Variants in TTC27 observed in about 807,000 individuals in gnomAD.
TTC27 encodes the protein tetratricopeptide repeat domain 27, also known as tetratricopeptide repeat protein 27.
TTC27 carries 79 observed loss-of-function variants against 115.9 expected under a neutral mutation model. The observed-to-expected ratio is 0.68, with a 90% confidence interval of 0.57 to 0.82. TTC27 has a LOEUF of 0.82. Among genes scored for constraint, TTC27 ranks in the 40% least tolerant of loss-of-function variants. The probability of loss-of-function intolerance (pLI) is 0.00; values close to 1 mark genes in which losing one functional copy is unlikely to be tolerated. For missense variants in TTC27, 1,054 were observed against 993.1 expected, an observed-to-expected ratio of 1.06 and a Z score of -0.82; for synonymous variants, 401 against 356.0, an observed-to-expected ratio of 1.13 and a Z score of -1.42.
chr2:32,675,347 C>T (rs906569252), intron 8 of TTC27, among the ~76,000 whole-genome samples: 5 of 152,148 alleles, frequency 3.3e-5, no homozygotes, highest in African/African-American at 1.2e-4. Context: ...AATGTATTCC[C>T]AGGCATTATG....
intron 13 of TTC27, among the ~76,000 whole-genome samples, chr2:32,774,883 A>G (rs2148010348): frequency 6.6e-6 from 1 of 152,332 alleles, no homozygotes; most frequent in Non-Finnish European, 1.5e-5. Flanking sequence ...TAACGATCCT[A>G]GGATTTTTCC....
chr2:32,719,467 G>A (rs556534301), intron 10 of TTC27, among the ~76,000 whole-genome samples: 6 of 152,284 alleles, frequency 3.9e-5, no homozygotes, highest in South Asian at 4.1e-4. Flanking sequence ...CTTTTATGGC[G>A]TTAGACCAGA....
At chr2:32,750,185 G>T (rs1668961049) in intron 12 of TTC27, among the ~76,000 whole-genome samples, 1 of 152,164 alleles carries the variant, frequency 6.6e-6, no homozygotes, top group Non-Finnish European at 1.5e-5. Flanking sequence ...TGAAGCAGGG[G>T]CTTGTGGAGG....
At chr2:32,723,570 A>C (rs1159617632) in intron 10 of TTC27, among the ~76,000 whole-genome samples, 1 of 152,060 alleles carries the variant, frequency 6.6e-6, no homozygotes, top group Non-Finnish European at 1.5e-5. Context: ...GGAACCTTTA[A>C]GGTGTTATTG....
intron 13 of TTC27, 111 bp from the exon 14 acceptor site, chr2:32,777,771 C>A: frequency 1.1e-6 from 1 of 926,460 alleles, no homozygotes; most frequent in Non-Finnish European, 1.7e-6. Context: ...TATTATATAG[C>A]TCTGCATTCT....
intron 12 of TTC27, among the ~76,000 whole-genome samples, chr2:32,742,742 T>G (rs1668687446): frequency 6.6e-6 from 1 of 152,224 alleles, no homozygotes; most frequent in African/African-American, 2.4e-5. Flanking sequence ...ATTGAGGACG[T>G]AGAGCACCTT....
At chr2:32,766,534 T>A (rs1558333042) in intron 13 of TTC27, 1 of 423,694 alleles carries the variant, frequency 2.4e-6, no homozygotes, top group Admixed American at 2.6e-5. Context: ...AGTCAGAACA[T>A]ACACAGCATT....
At chr2:32,708,301 C>CTTGTTTTTTTTTTTTGTTTTTTTTTTG (rs1559215859) in intron 10 of TTC27, among the ~76,000 whole-genome samples, 1 of 80,260 alleles carries the variant, frequency 1.2e-5, no homozygotes, top group Non-Finnish European at 2.5e-5. Context: ...TTTTCTCTAC[C>CTTGTTTTTTTTTTTTGTTTTTTTTTTG]TTGTTTTTTT....
chr2:32,813,475 C>G (rs1370834698), intron 18 of TTC27, among the ~76,000 whole-genome samples: 1 of 152,190 alleles, frequency 6.6e-6, no homozygotes, highest in African/African-American at 2.4e-5. Flanking sequence ...AATTTAACTT[C>G]TCTGAGCCTT....
chr2:32,791,918 A>C (rs1301352330), intron 16 of TTC27, among the ~76,000 whole-genome samples: 1 of 152,196 alleles, frequency 6.6e-6, no homozygotes, highest in East Asian at 1.9e-4. Context: ...AATAATTTGC[A>C]GATAATTTTA....
intron 17 of TTC27, among the ~76,000 whole-genome samples, chr2:32,812,058 A>T (rs1455469949): frequency 6.6e-6 from 1 of 152,206 alleles, no homozygotes; most frequent in Non-Finnish European, 1.5e-5. Flanking sequence ...TGGAATTAAG[A>T]GTACCCAGAA....
At chr2:32,635,316 A>G (rs1250078961) in intron 3 of TTC27, 6 of 153,792 alleles carry the variant, frequency 3.9e-5, no homozygotes, top group African/African-American at 7.2e-5. Context: ...ATTGATAGCT[A>G]TGTTCAAAAT....
chr2:32,653,581 G>A (rs2151871906), intron 5 of TTC27, among the ~76,000 whole-genome samples: 2 of 144,844 alleles, frequency 1.4e-5, no homozygotes, highest in Admixed American at 1.4e-4. Context: ...ATGACAGAGT[G>A]AGACTCCATC....
chr2:32,734,016 T>A, intron 11 of TTC27, 93 bp downstream of exon 11: 2 of 835,888 alleles, frequency 2.4e-6, no homozygotes, highest in South Asian at 2.2e-5. Flanking sequence ...ATGTTTGAAT[T>A]TTCAAATATT....
intron 4 of TTC27, among the ~76,000 whole-genome samples, chr2:32,647,682 G>A (rs1158800084): frequency 6.6e-6 from 1 of 152,118 alleles, no homozygotes; most frequent in African/African-American, 2.4e-5. Context: ...AAGCAAAAAA[G>A]TTCTTTGGAG....
intron 5 of TTC27, among the ~76,000 whole-genome samples, chr2:32,651,497 C>A (rs1240647364): frequency 6.6e-6 from 1 of 152,156 alleles, no homozygotes; most frequent in African/African-American, 2.4e-5. Context: ...CAGGCATGTG[C>A]CACCACGCCT....
intron 13 of TTC27, among the ~76,000 whole-genome samples, chr2:32,771,637 A>C (rs183326266): frequency 2.0e-5 from 3 of 152,370 alleles, no homozygotes; most frequent in Admixed American, 2.0e-4. Flanking sequence ...CTGGTAGGTT[A>C]AGATTTATAT....
At chr2:32,649,302 A>G (rs1390636661) in intron 4 of TTC27, among the ~76,000 whole-genome samples, 6 of 152,104 alleles carry the variant, frequency 3.9e-5, no homozygotes, top group Admixed American at 3.9e-4. Context: ...TTTGAGGAGG[A>G]TATAGAGATG....
chr2:32,658,818 A>T (rs770518399), intron 5 of TTC27, among the ~76,000 whole-genome samples: 1 of 152,134 alleles, frequency 6.6e-6, no homozygotes. Flanking sequence ...TTTATTTCAG[A>T]TGCTGTTTTA....
Sources: gnomAD v4.1 joint callset for allele counts (sites outside exome capture counted in the v4.1 genomes callset) on GRCh38, gnomAD v4.1.1 for gene constraint, MANE v1.5 for transcripts, NCBI Gene and HGNC (gene_info 2026-07-23, HGNC 2026-07-21) for gene names.